The following PIGK variants were observed in gnomAD, a reference collection of about 807,000 sequenced individuals.
The protein encoded by PIGK is phosphatidylinositol glycan anchor biosynthesis class K.
PIGK carries 42 observed loss-of-function variants against 50.6 expected under a neutral mutation model. The ratio of observed to expected loss-of-function variants is 0.83; its 90% CI spans 0.65 to 1.07. PIGK has a LOEUF of 1.07. Ranked by LOEUF, PIGK falls within the 50% of genes least tolerant of loss-of-function variation. PIGK has a pLI of 0.00. For synonymous variants in PIGK, 151 were observed against 156.0 expected (o/e 0.97, Z 0.24); for missense variants, 448 against 488.7 (o/e 0.92, Z 0.78).
chr1:77,149,634 T>A (rs1272398713), intron 9 of PIGK, among the ~76,000 whole-genome samples: 1 of 152,074 alleles, frequency 6.6e-6, no homozygotes, highest in East Asian at 1.9e-4. Context: ...AGAGGCAAAC[T>A]GTAATACAAT....
At chr1:77,155,351 A>G (rs572025188) in intron 8 of PIGK, among the ~76,000 whole-genome samples, 3 of 152,348 alleles carry the variant, frequency 2.0e-5, no homozygotes, top group African/African-American at 7.2e-5. Context: ...TCAGTGAATT[A>G]CCAAGGACAG....
chr1:77,209,419 C>A (rs1449208082), intron 2 of PIGK, among the ~76,000 whole-genome samples: 2 of 151,956 alleles, frequency 1.3e-5, no homozygotes, highest in Non-Finnish European at 2.9e-5. Flanking sequence ...GCAGGCCTTA[C>A]TAAAAATCAA....
intron 8 of PIGK, among the ~76,000 whole-genome samples, chr1:77,160,046 A>C (rs889238527): frequency 3.9e-5 from 6 of 152,246 alleles, no homozygotes; most frequent in Non-Finnish European, 8.8e-5. Flanking sequence ...TAATTCCCAC[A>C]TGTCATGGGA....
chr1:77,183,602 G>C (rs1570247644), intron 3 of PIGK, among the ~76,000 whole-genome samples: 1 of 152,160 alleles, frequency 6.6e-6, no homozygotes, highest in African/African-American at 2.4e-5. Context: ...AACAGGCATG[G>C]GAATGGATAT....
chr1:77,179,053 G>T (rs1042472282), intron 3 of PIGK, among the ~76,000 whole-genome samples: 10 of 152,220 alleles, frequency 6.6e-5, no homozygotes, highest in Admixed American at 5.9e-4. Context: ...GGAGCTGCTT[G>T]TGCTAAATGG....
chr1:77,115,635 G>GA (rs1405765348), intron 10 of PIGK, among the ~76,000 whole-genome samples: 2 of 151,946 alleles, frequency 1.3e-5, no homozygotes, highest in Non-Finnish European at 2.9e-5. Context: ...GGTTACACTG[G>GA]AAAAAAATAC....
chr1:77,140,369 G>A (rs995041840), intron 9 of PIGK, among the ~76,000 whole-genome samples: 17 of 148,306 alleles, frequency 1.1e-4, no homozygotes, highest in Non-Finnish European at 1.2e-4. Flanking sequence ...CACTTGCTCC[G>A]GTTCTCATTC....
At chr1:77,127,488 T>C (rs1338721408) in intron 9 of PIGK, among the ~76,000 whole-genome samples, 3 of 152,138 alleles carry the variant, frequency 2.0e-5, no homozygotes, top group South Asian at 4.1e-4. Flanking sequence ...CATTTGAGCC[T>C]AGGAATTAGA....
At chr1:77,129,487 T>A (rs1654314533) in intron 9 of PIGK, 2 of 1,483,714 alleles carry the variant, frequency 1.3e-6, no homozygotes, top group South Asian at 1.1e-5. Context: ...GCACCTAAGA[T>A]GCGCCGCCGG....
chr1:77,125,817 CT>C (rs1654218058), intron 9 of PIGK, among the ~76,000 whole-genome samples: 1 of 152,104 alleles, frequency 6.6e-6, no homozygotes, highest in African/African-American at 2.4e-5. Flanking sequence ...TAATTTTCCA[CT>C]TGTTTCCTAG....
chr1:77,164,268 T>G (rs144903795), intron 5 of PIGK, among the ~76,000 whole-genome samples: 2 of 152,278 alleles, frequency 1.3e-5, no homozygotes, highest in East Asian at 3.9e-4. Flanking sequence ...CAGGCAAACA[T>G]TTTTGATGAG....
chr1:77,152,457 A>T (rs1347665186), intron 9 of PIGK, among the ~76,000 whole-genome samples: 1 of 152,044 alleles, frequency 6.6e-6, no homozygotes. Flanking sequence ...TTTTTTAGGT[A>T]AAACCTCAAA....
At chr1:77,115,482 G>C (rs1174093648) in intron 10 of PIGK, among the ~76,000 whole-genome samples, 1 of 151,728 alleles carries the variant, frequency 6.6e-6, no homozygotes, top group African/African-American at 2.4e-5. Context: ...AGTGCTATTG[G>C]CAACCAGTAT....
At chr1:77,114,369 C>T (rs1246182933) in intron 10 of PIGK, among the ~76,000 whole-genome samples, 2 of 152,118 alleles carry the variant, frequency 1.3e-5, no homozygotes, top group African/African-American at 4.8e-5. Flanking sequence ...TCATTATCAA[C>T]TGTAAAATAT....
chr1:77,126,052 A>G (rs1390829829), intron 9 of PIGK, among the ~76,000 whole-genome samples: 2 of 151,976 alleles, frequency 1.3e-5, no homozygotes, highest in African/African-American at 2.4e-5. Context: ...GCTGTTTCAC[A>G]TATCTTCCTG....
At chr1:77,190,605 A>G (rs1467922147) in intron 3 of PIGK, among the ~76,000 whole-genome samples, 3 of 152,236 alleles carry the variant, frequency 2.0e-5, no homozygotes, top group Non-Finnish European at 2.9e-5. Context: ...GAACAGCACT[A>G]GAGCATATAA....
At chr1:77,219,255 G>A (rs1656661497) in intron 1 of PIGK, 55 bp downstream of exon 1, 17 of 1,418,430 alleles carry the variant, frequency 1.2e-5, no homozygotes, top group Non-Finnish European at 1.7e-5. Context: ...TCGGACATCT[G>A]CTGGAGGGCT....
At chr1:77,124,642 C>G (rs1297646807) in intron 9 of PIGK, among the ~76,000 whole-genome samples, 3 of 150,510 alleles carry the variant, frequency 2.0e-5, no homozygotes, top group Admixed American at 6.6e-5. Context: ...CACACACACG[C>G]AGCAACAAAA....
At chr1:77,188,153 G>T (rs933928313) in intron 3 of PIGK, among the ~76,000 whole-genome samples, 1 of 152,190 alleles carries the variant, frequency 6.6e-6, no homozygotes, top group Admixed American at 6.5e-5. Flanking sequence ...AACAGCAATT[G>T]TTCAGGGAAT....
Sources: gnomAD v4.1 joint callset for allele counts (sites outside exome capture counted in the v4.1 genomes callset) on GRCh38, gnomAD v4.1.1 for gene constraint, MANE v1.5 for transcripts, NCBI Gene and HGNC (gene_info 2026-07-23, HGNC 2026-07-21) for gene names.